Variants in PLEKHA5 observed in about 807,000 individuals in gnomAD.
The protein encoded by PLEKHA5 is pleckstrin homology domain-containing family A member 5.
A neutral mutation model predicts 181.9 loss-of-function variants in PLEKHA5; 55 were observed. The observed-to-expected ratio is 0.30, with a 90% CI of 0.24 to 0.38. The LOEUF (loss-of-function observed/expected upper bound fraction) is 0.38, where lower values mean the gene tolerates loss of function less well. Ranked by LOEUF, PLEKHA5 falls within the 10% of genes least tolerant of loss-of-function variation. The probability of loss-of-function intolerance (pLI) is 1.00; values close to 1 mark genes in which losing one functional copy is unlikely to be tolerated. For missense variants in PLEKHA5, 1,432 were observed against 1,549.5 expected (o/e 0.92, Z 1.27); for synonymous variants, 535 against 529.4 (o/e 1.01, Z -0.15).
At chr12:19,269,207 G>A (rs1021039321) in intron 8 of PLEKHA5, among the ~76,000 whole-genome samples, 1 of 151,992 alleles carries the variant, frequency 6.6e-6, no homozygotes, top group Admixed American at 6.6e-5. Flanking sequence ...GGCCAACATG[G>A]CAAAACCCCG....
At chr12:19,345,821 T>TAC in intron 22 of PLEKHA5, 21 bp from the exon 23 acceptor site, 1 of 1,205,732 alleles carries the variant, frequency 8.3e-7, no homozygotes, top group South Asian at 1.3e-5. Flanking sequence ...TTAATATAGT[T>TAC]ACGTTTTCTA....
At chr12:19,342,643 T>C (rs941351816) in intron 21 of PLEKHA5, among the ~76,000 whole-genome samples, 3 of 151,892 alleles carry the variant, frequency 2.0e-5, no homozygotes, top group Non-Finnish European at 4.4e-5. Flanking sequence ...AATTATGGCA[T>C]AGCACGTGCC....
intron 3 of PLEKHA5, among the ~76,000 whole-genome samples, chr12:19,215,789 G>C (rs2057857854): frequency 6.6e-6 from 1 of 152,272 alleles, no homozygotes; most frequent in Admixed American, 6.5e-5. Context: ...AAGAAGCACT[G>C]ACTTTTGGCT....
chr12:19,186,767 A>G (rs891283674), intron 3 of PLEKHA5, among the ~76,000 whole-genome samples: 7 of 152,140 alleles, frequency 4.6e-5, no homozygotes, highest in Admixed American at 1.3e-4. Flanking sequence ...GCTTTCATCT[A>G]TAAGCTTTTT....
chr12:19,231,622 A>ATATGTAC (rs1565495151), intron 3 of PLEKHA5, among the ~76,000 whole-genome samples: 528 of 142,932 alleles, frequency 3.7e-3, no homozygotes, highest in Non-Finnish European at 5.9e-3. Flanking sequence ...AAATACTCAT[A>ATATGTAC]AAGCTTGAGT....
chr12:19,348,497 G>A lies in PLEKHA5; in HGVS notation c.2997G>A (p.Glu999=), dbSNP rs758906836. 1.3e-6 allele frequency: 2 copies of A among 1,575,256 alleles called. No homozygotes were observed. Among genetic ancestry groups the A allele is most frequent in the Admixed American group, 4.2e-5 (2 of 47,682 alleles). Residue 999 remains glutamate, a synonymous_variant, in exon 25 of 32, where the codon GAG becomes GAA. Coordinates refer to ENST00000429027, the MANE Select transcript of PLEKHA5 (RefSeq NM_001256470.2). ...AAGAAAAATCAGAACCTGTTTCAGA[G>A]ATAGAAACTTCAGTTGTTAAAGGTC... ...NGEEKSEPVS[E]IETSVVKGSH...
chr12:19,166,910 A>G (rs545956794), intron 3 of PLEKHA5, among the ~76,000 whole-genome samples: 1 of 152,334 alleles, frequency 6.6e-6, no homozygotes, highest in East Asian at 1.9e-4. Flanking sequence ...CAAATAAGCC[A>G]TTGGTTTTAA....
In PLEKHA5 at chr12:19,305,973, G is replaced by A. The variant is rs954400375; in HGVS notation, c.2038-8841G>A. ...CGCACGCCTGTAATCCCAGCTACTC[G>A]GGAGGCTGAAGCAGGAGAATCGCTT... is the stretch of plus-strand genomic sequence containing the variant. On this transcript the variant is annotated intron_variant, in intron 15 of 31. Coordinates refer to ENST00000429027, the MANE Select transcript of PLEKHA5 (RefSeq NM_001256470.2). Among the ~76,000 whole-genome samples the A allele has an allele frequency of 7.7e-4, 116 of 150,732 alleles. 1 individual carries two copies. Among genetic ancestry groups the A allele is most frequent in the African/African-American group, 2.6e-3 (105 of 40,968 alleles).
chr12:19,346,894 A>G (rs2094359798), intron 23 of PLEKHA5, 100 bp from the exon 24 acceptor site: 1 of 776,858 alleles, frequency 1.3e-6, no homozygotes, highest in African/African-American at 1.8e-5. Flanking sequence ...CCCTTTTAGT[A>G]TCTTAAAGTA....
At chr12:19,178,827 T>TA (rs2047900035) in intron 3 of PLEKHA5, among the ~76,000 whole-genome samples, 1 of 152,018 alleles carries the variant, frequency 6.6e-6, no homozygotes, top group Admixed American at 6.5e-5. Flanking sequence ...ACAACAAAAA[T>TA]AAAAAACAAA....
chr12:19,251,739 CAAAAAAAAA>C (rs374276545), intron 3 of PLEKHA5, among the ~76,000 whole-genome samples: 21 of 65,626 alleles, frequency 3.2e-4, no homozygotes, highest in East Asian at 2.0e-3. Context: ...GAGGCCCATC[CAAAAAAAAA>C]AAAAAAAAAA....
At chr12:19,229,319 G>A (rs1335147652) in intron 3 of PLEKHA5, among the ~76,000 whole-genome samples, 2 of 152,104 alleles carry the variant, frequency 1.3e-5, no homozygotes, top group Non-Finnish European at 2.9e-5. Flanking sequence ...ATGAAGCCGC[G>A]GACCCTTGCG....
At chr12:19,288,376 GA>G (rs1328581480) in intron 13 of PLEKHA5, among the ~76,000 whole-genome samples, 6 of 152,174 alleles carry the variant, frequency 3.9e-5, no homozygotes, top group Non-Finnish European at 7.4e-5. Flanking sequence ...ATGTTAATTG[GA>G]AAGGAGTTAC....
At chr12:19,197,773 G>A (rs1804900324) in intron 3 of PLEKHA5, among the ~76,000 whole-genome samples, 1 of 150,826 alleles carries the variant, frequency 6.6e-6, no homozygotes, top group Admixed American at 6.6e-5. Context: ...TTTTTACACC[G>A]TATGCCAGTC....
At chr12:19,232,788 AAC>A (rs2152395938) in intron 3 of PLEKHA5, among the ~76,000 whole-genome samples, 1 of 152,284 alleles carries the variant, frequency 6.6e-6, no homozygotes, top group South Asian at 2.1e-4. Context: ...GCAACCCTTG[AAC>A]ATTTCTTGGG....
intron 16 of PLEKHA5, among the ~76,000 whole-genome samples, chr12:19,317,008 G>A (rs2089053793): frequency 6.6e-6 from 1 of 151,944 alleles, no homozygotes; most frequent in South Asian, 2.1e-4. Flanking sequence ...TTTCTTCCTT[G>A]GAGAACACTC....
At chr12:19,359,376 G>A (rs781598174) in intron 27 of PLEKHA5, 36 bp from the exon 28 acceptor site, 46 of 1,589,816 alleles carry the variant, frequency 2.9e-5, no homozygotes, top group Non-Finnish European at 3.9e-5. Flanking sequence ...TGCATGCACA[G>A]TATGAGTATA....
intron 15 of PLEKHA5, among the ~76,000 whole-genome samples, chr12:19,304,845 A>G (rs868148340): frequency 1.3e-5 from 2 of 151,860 alleles, no homozygotes; most frequent in Non-Finnish European, 1.5e-5. Flanking sequence ...CTGTAATCCT[A>G]CCACTTTGGG....
chr12:19,142,629 A>C (rs983803822), intron 3 of PLEKHA5, among the ~76,000 whole-genome samples: 2 of 152,180 alleles, frequency 1.3e-5, no homozygotes, highest in African/African-American at 4.8e-5. Context: ...TAAGGTGTAC[A>C]TGTTTGATGT....
Sources: gnomAD v4.1 joint callset for allele counts (sites outside exome capture counted in the v4.1 genomes callset) on GRCh38, gnomAD v4.1.1 for gene constraint, MANE v1.5 for transcripts, NCBI Gene and HGNC (gene_info 2026-07-23, HGNC 2026-07-21) for gene names.